Variants in ARHGEF38 observed in about 807,000 individuals in gnomAD.
The protein encoded by ARHGEF38 is Rho guanine nucleotide exchange factor (GEF) 38.
In ARHGEF38, 79 loss-of-function variants were observed where a neutral mutation model predicts 79.9. The observed-to-expected ratio is 0.99, with a 90% CI of 0.82 to 1.19. The LOEUF (loss-of-function observed/expected upper bound fraction) is 1.19. Among genes scored for constraint, ARHGEF38 ranks in the 50% most tolerant of loss-of-function variants. The pLI, the probability that ARHGEF38 is intolerant of heterozygous loss-of-function variation, is 0.00. For synonymous variants in ARHGEF38, 366 were observed against 328.3 expected, an observed-to-expected ratio of 1.11 and a Z score of -1.24; for missense variants, 962 against 907.2, an observed-to-expected ratio of 1.06 and a Z score of -0.78.
intron 13 of ARHGEF38, among the ~76,000 whole-genome samples, chr4:105,673,653 TACC>T (rs1196723354): frequency 3.3e-5 from 5 of 152,088 alleles, no homozygotes; most frequent in Admixed American, 6.6e-5. Context: ...CCATTTTTAT[TACC>T]ACTTCAGGTA....
chr4:105,652,368 C>G (rs1578349243), intron 7 of ARHGEF38, among the ~76,000 whole-genome samples: 1 of 152,110 alleles, frequency 6.6e-6, no homozygotes, highest in Non-Finnish European at 1.5e-5. Flanking sequence ...CTGAAACAAC[C>G]GAAATCCATC....
chr4:105,578,702 G>A (rs986997051), intron 1 of ARHGEF38, among the ~76,000 whole-genome samples: 6 of 152,142 alleles, frequency 3.9e-5, no homozygotes, highest in Admixed American at 2.0e-4. Context: ...TTTAAGGTCT[G>A]TGTGATCTAA....
chr4:105,680,291 T>C lies in ARHGEF38; in HGVS notation c.*2354T>C. On this transcript the variant is annotated 3_prime_UTR_variant, in exon 14 of 14. Transcript: ENST00000420470. ...ATAGAAAAATGATAGTCACCACATA[T>C]CTACTAATGGGATTAAAATGTACAA... The C allele has an allele frequency of 2.9e-6, 1 of 339,928 alleles. No homozygotes were observed. The highest frequency in any genetic ancestry group is 2.8e-5 in the South Asian group (1 of 35,524). The allele number at this position is 339,928 out of a possible 1,614,324, so 21.1% of individuals were successfully genotyped here. A position where few individuals can be genotyped will look rare whatever the true frequency, so the allele number is the denominator to read the frequency against.
At chr4:105,666,643 T>C (rs147432621) in intron 11 of ARHGEF38, among the ~76,000 whole-genome samples, 37 of 152,328 alleles carry the variant, frequency 2.4e-4, no homozygotes, top group African/African-American at 7.5e-4. Context: ...TTTCCTTTTC[T>C]ACATAAGGCA....
intron 2 of ARHGEF38, among the ~76,000 whole-genome samples, chr4:105,612,019 A>G (rs576299592): frequency 6.6e-6 from 1 of 152,160 alleles, no homozygotes; most frequent in African/African-American, 2.4e-5. Context: ...TGACATAGTC[A>G]CCACATTTTG....
At chr4:105,585,851 C>T (rs937034826) in intron 1 of ARHGEF38, among the ~76,000 whole-genome samples, 2 of 149,002 alleles carry the variant, frequency 1.3e-5, no homozygotes, top group African/African-American at 5.0e-5. Context: ...CCTGCCTTAG[C>T]CTCCCAAGTA....
chr4:105,581,758 C>G (rs369581963), intron 1 of ARHGEF38, among the ~76,000 whole-genome samples: 165 of 152,208 alleles, frequency 1.1e-3, no homozygotes, highest in African/African-American at 3.8e-3. Flanking sequence ...TTTTATATCT[C>G]TAATAATTTC....
At chr4:105,635,255 A>G (rs1372365424) in intron 4 of ARHGEF38, among the ~76,000 whole-genome samples, 1 of 152,250 alleles carries the variant, frequency 6.6e-6, no homozygotes, top group East Asian at 1.9e-4. Context: ...GTTTCAGCCT[A>G]AAAGAGATTT....
intron 9 of ARHGEF38, among the ~76,000 whole-genome samples, chr4:105,657,371 C>T (rs1378285788): frequency 6.6e-6 from 1 of 151,956 alleles, no homozygotes; most frequent in Non-Finnish European, 1.5e-5. Flanking sequence ...TGAGAAGGCT[C>T]AATATAAAAG....
chr4:105,648,817 TCC>T lies in ARHGEF38; in HGVS notation c.1008+137_1008+138del, dbSNP rs1254590812. On this transcript the variant is annotated intron_variant, in intron 7 of 13. Transcript: ENST00000420470. Reference sequence around the variant, plus strand: ...AATTGCCCTATGCTGTTCTCTTGTCTCCCTCTCTCTCTCTCTCTCTCTCTCTC... The same window carrying T: ...AATTGCCCTATGCTGTTCTCTTGTCTCTCTCTCTCTCTCTCTCTCTCTCTC... The T allele has an allele frequency of 1.1e-3, 830 of 752,504 alleles. 1 individual carries two copies. Among genetic ancestry groups the T allele is most frequent in the Middle Eastern group, 2.2e-3 (9 of 4,044 alleles). The allele number at this position is 752,504 out of a possible 1,614,324, so 46.6% of individuals were successfully genotyped here. A position where few individuals can be genotyped will look rare whatever the true frequency, so the allele number is the denominator to read the frequency against.
At chr4:105,564,358 A>T (rs752266093) in intron 1 of ARHGEF38, among the ~76,000 whole-genome samples, 1 of 152,194 alleles carries the variant, frequency 6.6e-6, no homozygotes, top group Non-Finnish European at 1.5e-5. Context: ...TACTACATGG[A>T]TGATCATCAA....
intron 1 of ARHGEF38, among the ~76,000 whole-genome samples, chr4:105,567,474 A>G (rs1032111891): frequency 1.3e-5 from 2 of 152,238 alleles, no homozygotes; most frequent in Non-Finnish European, 2.9e-5. Context: ...TTAAAGTAAT[A>G]TAATTACAAA....
At chr4:105,564,245 C>T (rs1007223374) in intron 1 of ARHGEF38, among the ~76,000 whole-genome samples, 6 of 152,136 alleles carry the variant, frequency 3.9e-5, no homozygotes, top group Non-Finnish European at 8.8e-5. Context: ...GTGCATGCTT[C>T]ATAATATGTA....
At chr4:105,567,523 A>G (rs1405148954) in intron 1 of ARHGEF38, among the ~76,000 whole-genome samples, 1 of 152,178 alleles carries the variant, frequency 6.6e-6, no homozygotes, top group Non-Finnish European at 1.5e-5. Flanking sequence ...TGTTGAACAC[A>G]ATTAAGTCTT....
At chr4:105,651,081 G>A (rs1261966413) in intron 7 of ARHGEF38, among the ~76,000 whole-genome samples, 1 of 152,200 alleles carries the variant, frequency 6.6e-6, no homozygotes, top group East Asian at 1.9e-4. Context: ...ATAGTAGGCA[G>A]CCTCTAATTC....
intron 11 of ARHGEF38, among the ~76,000 whole-genome samples, chr4:105,666,763 A>G (rs965377027): frequency 6.6e-6 from 1 of 152,194 alleles, no homozygotes; most frequent in African/African-American, 2.4e-5. Context: ...TATTTCCCAG[A>G]TAAAGACATG....
chr4:105,584,901 C>T (rs1355111821), intron 1 of ARHGEF38, among the ~76,000 whole-genome samples: 1 of 152,174 alleles, frequency 6.6e-6, no homozygotes, highest in Non-Finnish European at 1.5e-5. Flanking sequence ...CCTTTGGGTG[C>T]TGTTGCACTT....
intron 13 of ARHGEF38, 66 bp from the exon 14 acceptor site, chr4:105,677,686 C>T (rs1295355828): frequency 3.8e-6 from 5 of 1,327,476 alleles, no homozygotes; most frequent in Non-Finnish European, 4.9e-6. Flanking sequence ...AGCTTGGAAA[C>T]TTTTATGATG....
chr4:105,653,929 C>A, intron 7 of ARHGEF38, 136 bp from the exon 8 acceptor site: 1 of 430,068 alleles, frequency 2.3e-6, no homozygotes, highest in South Asian at 5.7e-5. Context: ...TGTGTTAAGA[C>A]AGACAGCATG....
Sources: allele counts gnomAD v4.1 joint callset (sites outside exome capture counted in the v4.1 genomes callset), GRCh38; gene constraint gnomAD v4.1.1; transcripts MANE v1.5; gene names NCBI Gene and HGNC (gene_info 2026-07-23, HGNC 2026-07-21).